Variants in AKAP19 observed in about 807,000 individuals in gnomAD.
The protein encoded by AKAP19 is A-kinase anchoring protein 19.
the AKAP19 span, among the ~76,000 whole-genome samples, chr2:189,890,616 A>G: frequency 6.6e-6 from 1 of 152,182 alleles, no homozygotes; most frequent in Admixed American, 6.5e-5. Flanking sequence ...TATTGGGTGC[A>G]TATATATTTA....
chr2:189,926,619 C>T, the AKAP19 span, among the ~76,000 whole-genome samples: 151 of 130,292 alleles, frequency 1.2e-3, 1 homozygote, highest in African/African-American at 4.3e-3. Flanking sequence ...CGGATTCTGT[C>T]GCCCAGGCTG....
At chr2:189,977,024 C>T in the AKAP19 span, among the ~76,000 whole-genome samples, 1 of 152,186 alleles carries the variant, frequency 6.6e-6, no homozygotes, top group Admixed American at 6.5e-5. Flanking sequence ...GATGAAGCTG[C>T]TACCCCAGTT....
the AKAP19 span, among the ~76,000 whole-genome samples, chr2:189,890,594 T>C: frequency 2.0e-5 from 3 of 152,246 alleles, no homozygotes; most frequent in Non-Finnish European, 2.9e-5. Context: ...TTTATGAATC[T>C]AGGTGCTCCT....
At chr2:190,039,886 T>C in the AKAP19 span, among the ~76,000 whole-genome samples, 3 of 152,222 alleles carry the variant, frequency 2.0e-5, no homozygotes, top group African/African-American at 7.2e-5. Flanking sequence ...TATTCCATGG[T>C]ATATATGTAA....
At chr2:190,097,831 G>A in the AKAP19 span, among the ~76,000 whole-genome samples, 2 of 115,520 alleles carry the variant, frequency 1.7e-5, no homozygotes, top group South Asian at 2.9e-4. Context: ...GGACCAGCCT[G>A]AGCAACACAG....
chr2:189,947,746 C>A, the AKAP19 span, among the ~76,000 whole-genome samples: 1 of 151,898 alleles, frequency 6.6e-6, no homozygotes, highest in African/African-American at 2.4e-5. Flanking sequence ...AATCTGTAAC[C>A]CATATAGATT....
At chr2:190,118,238 CA>C in the AKAP19 span, among the ~76,000 whole-genome samples, 2 of 151,906 alleles carry the variant, frequency 1.3e-5, no homozygotes, top group Non-Finnish European at 2.9e-5. Flanking sequence ...GCTTACCAAC[CA>C]AAAAAAGTCC....
chr2:189,944,009 T>TAA, the AKAP19 span, among the ~76,000 whole-genome samples: 23 of 152,286 alleles, frequency 1.5e-4, no homozygotes, highest in East Asian at 2.1e-3. Context: ...AGAAGAGACT[T>TAA]TGGACTTTTG....
chr2:190,180,973 C>T, the AKAP19 span: 1 of 985,586 alleles, frequency 1.0e-6, no homozygotes, highest in African/African-American at 1.7e-5. This position sits in a 1 kb window ranked among gnomAD's most constrained non-coding sequence, Gnocchi z 6.8. Flanking sequence ...CGCCCAGACG[C>T]CAGCAAGCCC....
chr2:189,996,049 T>C, the AKAP19 span, among the ~76,000 whole-genome samples: 2 of 152,250 alleles, frequency 1.3e-5, no homozygotes, highest in South Asian at 4.1e-4. Flanking sequence ...GTCTTGACTT[T>C]AGATAACCTG....
At chr2:190,138,733 G>A in the AKAP19 span, among the ~76,000 whole-genome samples, 1 of 152,160 alleles carries the variant, frequency 6.6e-6, no homozygotes, top group Non-Finnish European at 1.5e-5. Flanking sequence ...CTCCAACAGA[G>A]CCTGTTCTTT....
the AKAP19 span, among the ~76,000 whole-genome samples, chr2:190,064,692 A>G: frequency 2.6e-5 from 4 of 152,284 alleles, no homozygotes; most frequent in South Asian, 4.1e-4. Context: ...GTTTGAGATT[A>G]TGCTTAAAAT....
chr2:190,004,035 C>G, the AKAP19 span, among the ~76,000 whole-genome samples: 9 of 151,186 alleles, frequency 6.0e-5, no homozygotes, highest in Non-Finnish European at 1.2e-4. Context: ...TTTGATCTGG[C>G]AAGACACTAT....
the AKAP19 span, among the ~76,000 whole-genome samples, chr2:190,057,928 C>T: frequency 6.6e-6 from 1 of 151,638 alleles, no homozygotes; most frequent in Non-Finnish European, 1.5e-5. Flanking sequence ...AATGGATGTC[C>T]TGAAAATATT....
chr2:190,097,608 A>G, the AKAP19 span, among the ~76,000 whole-genome samples: 1 of 152,196 alleles, frequency 6.6e-6, no homozygotes, highest in Non-Finnish European at 1.5e-5. Context: ...ACTCTGCTGC[A>G]ACTTTGTCAA....
chr2:189,928,460 TAAAA>T, the AKAP19 span, among the ~76,000 whole-genome samples: 5 of 152,064 alleles, frequency 3.3e-5, no homozygotes, highest in South Asian at 1.0e-3. Context: ...AACACAAGAA[TAAAA>T]AAAGCAATTA....
the AKAP19 span, among the ~76,000 whole-genome samples, chr2:189,927,371 G>A: frequency 6.6e-6 from 1 of 152,162 alleles, no homozygotes; most frequent in Non-Finnish European, 1.5e-5. Flanking sequence ...TTTTAAAAAT[G>A]AAATCGAATT....
the AKAP19 span, among the ~76,000 whole-genome samples, chr2:190,084,097 T>G: frequency 1.2e-4 from 18 of 150,362 alleles, 1 homozygote; most frequent in East Asian, 3.1e-3. Context: ...CAGGTTTTTT[T>G]TTTTTTTTTT....
At chr2:190,010,823 T>C in the AKAP19 span, among the ~76,000 whole-genome samples, 2 of 152,190 alleles carry the variant, frequency 1.3e-5, no homozygotes, top group Admixed American at 6.5e-5. Context: ...AATGTGGAAT[T>C]ATTAAATCAA....
Sources: allele counts gnomAD v4.1 joint callset (sites outside exome capture counted in the v4.1 genomes callset), GRCh38; gene constraint gnomAD v4.1.1; non-coding constraint Gnocchi (gnomAD v3.1); transcripts MANE v1.5; gene names NCBI Gene and HGNC (gene_info 2026-07-23, HGNC 2026-07-21).